RAB27A: variants seen among roughly 807,000 people sequenced by gnomAD.
RAB27A encodes ras-related protein Rab-27A.
A neutral mutation model predicts 20.8 loss-of-function variants in RAB27A; 17 were observed. The observed-to-expected ratio is 0.82, with a 90% CI of 0.56 to 1.23. The LOEUF is 1.23. Ranked by LOEUF, RAB27A falls within the 50% of genes most tolerant of loss-of-function variation. The probability of loss-of-function intolerance (pLI) is 0.00; values close to 1 mark genes in which losing one functional copy is unlikely to be tolerated. For synonymous variants in RAB27A, 85 were observed against 92.8 expected (o/e 0.92, Z 0.48); for missense variants, 277 against 266.7 (o/e 1.04, Z -0.27).
intron 2 of RAB27A, among the ~76,000 whole-genome samples, chr15:55,247,421 T>C (rs1324672649): frequency 2.0e-5 from 3 of 151,586 alleles, no homozygotes; most frequent in African/African-American, 7.3e-5. Flanking sequence ...GGACTTCACA[T>C]TGCAAAGAGA....
intron 6 of RAB27A, among the ~76,000 whole-genome samples, chr15:55,209,599 G>C (rs540549890): frequency 6.6e-6 from 1 of 151,718 alleles, no homozygotes; most frequent in African/African-American, 2.4e-5. Flanking sequence ...ATAAACATGG[G>C]AGTACAGAGA....
chr15:55,209,743 CATAT>C (rs749051480), intron 6 of RAB27A, among the ~76,000 whole-genome samples: 2 of 143,950 alleles, frequency 1.4e-5, no homozygotes, highest in Non-Finnish European at 3.0e-5. Context: ...TATATATACA[CATAT>C]ATATGTGTAT....
chr15:55,298,323 G>T (rs911154158), intron 2 of RAB27A, among the ~76,000 whole-genome samples: 1 of 152,066 alleles, frequency 6.6e-6, no homozygotes, highest in Non-Finnish European at 1.5e-5. Flanking sequence ...AAGGGACAGA[G>T]TACAAAAGAG....
At chr15:55,279,976 C>T (rs1380958381) in intron 1 of RAB27A, among the ~76,000 whole-genome samples, 1 of 152,076 alleles carries the variant, frequency 6.6e-6, no homozygotes, top group African/African-American at 2.4e-5. Context: ...ACTCTAGGCC[C>T]CACCAGAGTT....
At chr15:55,209,445 T>C (rs1374763057) in intron 6 of RAB27A, among the ~76,000 whole-genome samples, 1 of 152,140 alleles carries the variant, frequency 6.6e-6, no homozygotes, top group African/African-American at 2.4e-5. Flanking sequence ...TCCAGTTCCA[T>C]CCAAGCTGCT....
chr15:55,303,160 C>T (rs2054981219), intron 2 of RAB27A, among the ~76,000 whole-genome samples: 1 of 115,528 alleles, frequency 8.7e-6, no homozygotes, highest in Non-Finnish European at 1.8e-5. Flanking sequence ...CCCGGCCAGC[C>T]GCCCCGTCCG....
chr15:55,311,903 G>C (rs1288985368), intron 2 of RAB27A, among the ~76,000 whole-genome samples: 1 of 152,178 alleles, frequency 6.6e-6, no homozygotes, highest in African/African-American at 2.4e-5. Context: ...TACTCCCAGA[G>C]CTCCCGATAG....
intron 2 of RAB27A, 141 bp from the exon 3 acceptor site, chr15:55,235,097 C>A (rs1896201573): frequency 1.5e-6 from 1 of 689,458 alleles, no homozygotes; most frequent in Non-Finnish European, 2.4e-6. Context: ...GAGTTACATA[C>A]ATATTGTTCA....
intron 2 of RAB27A, among the ~76,000 whole-genome samples, chr15:55,302,467 C>G (rs1424395554): frequency 1.3e-5 from 2 of 152,104 alleles, no homozygotes; most frequent in Non-Finnish European, 2.9e-5. Flanking sequence ...CCCAAAGTGC[C>G]GAGATGGCAG....
At chr15:55,295,963 C>T (rs1441881268) in intron 2 of RAB27A, among the ~76,000 whole-genome samples, 3 of 151,044 alleles carry the variant, frequency 2.0e-5, no homozygotes, top group African/African-American at 7.3e-5. Flanking sequence ...GCGGTGTGAC[C>T]TCGGCTCACT....
chr15:55,310,178 A>G (rs2055014131), intron 2 of RAB27A, among the ~76,000 whole-genome samples: 1 of 152,230 alleles, frequency 6.6e-6, no homozygotes, highest in Admixed American at 6.5e-5. Flanking sequence ...GTCACAACTT[A>G]GTGGCTGGGA....
intron 6 of RAB27A, among the ~76,000 whole-genome samples, chr15:55,208,398 T>C (rs1446240423): frequency 1.3e-5 from 2 of 152,324 alleles, no homozygotes; most frequent in East Asian, 1.9e-4. Context: ...TAGGAATTTA[T>C]TGTAATGCAT....
intron 2 of RAB27A, among the ~76,000 whole-genome samples, chr15:55,249,851 T>A (rs1896821929): frequency 6.6e-6 from 1 of 152,374 alleles, no homozygotes; most frequent in Non-Finnish European, 1.5e-5. Context: ...TTGCAGTCCT[T>A]ATTCAGAGAA....
At chr15:55,277,734 C>T (rs185501561) in intron 1 of RAB27A, among the ~76,000 whole-genome samples, 87 of 152,298 alleles carry the variant, frequency 5.7e-4, no homozygotes, top group Admixed American at 3.3e-3. Context: ...TGCAGGTTGG[C>T]AATTTTCAAT....
rs756071120 is a variant in RAB27A at position 55,223,888 on chromosome 15, C to G, written c.467+1G>C. 1.6e-5 allele frequency: 26 copies of G among 1,613,418 alleles called. No individual in the cohort carries two copies. Among genetic ancestry groups the G allele is most frequent in the Non-Finnish European group, 2.2e-5 (26 of 1,179,782 alleles). ...CTAGACTTCTCCACAAAAATACTCACCCATATTTCTCTGCGAGTGCTATGG... is the reference window on the plus strand; with the variant it reads ...CTAGACTTCTCCACAAAAATACTCAGCCATATTTCTCTGCGAGTGCTATGG... On this transcript the variant is annotated splice_donor_variant, in intron 6 of 6. Transcript: ENST00000336787. LOFTEE classifies it high-confidence loss of function.
At chr15:55,209,072 A>G (rs1205561882) in intron 6 of RAB27A, among the ~76,000 whole-genome samples, 1 of 152,248 alleles carries the variant, frequency 6.6e-6, no homozygotes, top group Non-Finnish European at 1.5e-5. Context: ...ATACACTGAT[A>G]TAATGTGTAA....
intron 2 of RAB27A, among the ~76,000 whole-genome samples, chr15:55,306,412 G>C (rs2054997057): frequency 1.3e-5 from 2 of 152,118 alleles, no homozygotes; most frequent in Non-Finnish European, 2.9e-5. Flanking sequence ...GGGTACGGAG[G>C]GTTTCATGTA....
In RAB27A at chr15:55,234,828, G is replaced by A. The variant is rs1896187116; in HGVS notation, c.107C>T (p.Ser36Phe). 1.2e-6 allele frequency: 2 copies of A among 1,611,620 alleles called. No individual in the cohort carries two copies. The highest frequency in any genetic ancestry group is 1.3e-5 in the African/African-American group (1 of 74,720). Residue 36 changes from serine to phenylalanine, a missense_variant, in exon 3 of 7, where the codon TCC becomes TTC. By Grantham distance (155) the Ser-to-Phe change is radical. Coordinates refer to ENST00000336787, the MANE Select transcript of RAB27A (RefSeq NM_183235.3). ...LYQYTDGKFN[S>F]KFITTVGIDF... ...AATGCCCACTGTTGTGATAAATTTG[G>A]AGTTAAATTTACCATCTGTATATTG...
At chr15:55,256,851 T>C (rs926457364) in intron 2 of RAB27A, among the ~76,000 whole-genome samples, 4 of 152,194 alleles carry the variant, frequency 2.6e-5, no homozygotes, top group Non-Finnish European at 4.4e-5. Flanking sequence ...AGACATTCTA[T>C]GCTGTATGAT....
Sources: gnomAD v4.1 joint callset for allele counts (sites outside exome capture counted in the v4.1 genomes callset) on GRCh38, gnomAD v4.1.1 for gene constraint, MANE v1.5 for transcripts, NCBI Gene and HGNC (gene_info 2026-07-23, HGNC 2026-07-21) for gene names.